CNST: variants seen among roughly 807,000 people sequenced by gnomAD.
CNST encodes consortin.
CNST carries 39 observed loss-of-function variants against 72.4 expected under a neutral mutation model. The observed-to-expected ratio is 0.54, with a 90% CI of 0.42 to 0.70. CNST has a LOEUF of 0.70. Among genes scored for constraint, CNST ranks in the 30% least tolerant of loss-of-function variants. CNST has a pLI of 0.00. For synonymous variants in CNST, 332 were observed against 320.1 expected, an observed-to-expected ratio of 1.04 and a Z score of -0.40; for missense variants, 871 against 868.5, an observed-to-expected ratio of 1.00 and a Z score of -0.04.
At position 246,647,536 on chromosome 1, in the gene CNST, A is replaced by G. The variant is rs2103134144; in HGVS notation, c.1335A>G (p.Ala445=). 6.2e-7 allele frequency: 1 copy of G among 1,614,190 alleles called. No individual in the cohort carries two copies. The change falls in exon 9 of 11, where the codon GCA becomes GCG. Residue 445 remains alanine (A), a synonymous_variant. Transcript: ENST00000366513. ...ISPGCDRIPP[A]LISEGKYSQA... is the part of the protein sequence containing the mutation. ...CAGGCTGTGACCGTATACCTCCTGC[A>G]TTGATTTCTGAGGGTAAATATTCAC...
chr1:246,627,920 T>A (rs925644159), intron 3 of CNST, among the ~76,000 whole-genome samples: 1 of 150,442 alleles, frequency 6.6e-6, no homozygotes, highest in African/African-American at 2.5e-5. Flanking sequence ...CTATATATAT[T>A]TATATATATA....
intron 4 of CNST, chr1:246,632,254 AC>A: frequency 3.4e-6 from 1 of 295,204 alleles, no homozygotes; most frequent in South Asian, 4.8e-5. Context: ...TGTACATTTA[AC>A]CCAGTTTAGC....
chr1:246,650,872 T>G (rs1425340409), intron 9 of CNST, among the ~76,000 whole-genome samples: 2 of 152,042 alleles, frequency 1.3e-5, no homozygotes, highest in Non-Finnish European at 2.9e-5. Context: ...GAGATGGGGT[T>G]TCACCATGTT....
At chr1:246,663,485 A>T (rs1414745782) in intron 10 of CNST, among the ~76,000 whole-genome samples, 1 of 152,112 alleles carries the variant, frequency 6.6e-6, no homozygotes, top group Non-Finnish European at 1.5e-5. Context: ...TTATGCCTGT[A>T]ATCCCAGCAC....
At chr1:246,569,761 G>GC (rs1476354859) in intron 1 of CNST, 1 of 159,448 alleles carries the variant, frequency 6.3e-6, no homozygotes, top group African/African-American at 2.4e-5. Context: ...TTAACGTTGA[G>GC]CCCCATGCTT....
chr1:246,612,754 G>A lies in CNST; in HGVS notation c.380-8675G>A, dbSNP rs571747295. Among the ~76,000 whole-genome samples the A allele has an allele frequency of 2.6e-5, 4 of 152,110 alleles. No homozygotes were observed. In the East Asian group the frequency reaches 5.8e-4, roughly 22 times the overall value. ...TACATACAAAAATTAGCCAGGGGGT[G>A]TGCACTTGTTGTCCCAGCTACTTCA... On this transcript the variant is annotated intron_variant, in intron 2 of 10. Transcript: ENST00000366513.
chr1:246,638,591 G>A (rs529881616), intron 6 of CNST, among the ~76,000 whole-genome samples: 26 of 152,328 alleles, frequency 1.7e-4, no homozygotes, highest in African/African-American at 5.8e-4. Context: ...GTGAGAGCTC[G>A]AGTGAGGGTG....
At chr1:246,646,923 C>T (rs967848113) in intron 8 of CNST, among the ~76,000 whole-genome samples, 1 of 152,172 alleles carries the variant, frequency 6.6e-6, no homozygotes, top group African/African-American at 2.4e-5. Flanking sequence ...TATTCATATT[C>T]ACATGCTTTT....
At chr1:246,600,757 T>C (rs146104678) in intron 2 of CNST, among the ~76,000 whole-genome samples, 19 of 152,304 alleles carry the variant, frequency 1.2e-4, no homozygotes, top group Non-Finnish European at 2.4e-4. Flanking sequence ...TGGGGTGTCG[T>C]AGACGTCTGA....
At chr1:246,661,343 C>A (rs1667095298) in intron 10 of CNST, among the ~76,000 whole-genome samples, 1 of 152,174 alleles carries the variant, frequency 6.6e-6, no homozygotes, top group Non-Finnish European at 1.5e-5. Context: ...GTCTCGAACT[C>A]CTGGCTTCAA....
intron 3 of CNST, among the ~76,000 whole-genome samples, chr1:246,626,453 T>TTC (rs1664442881): frequency 8.4e-6 from 1 of 118,798 alleles, no homozygotes; most frequent in Non-Finnish European, 1.7e-5. Flanking sequence ...GGTTTGTCCT[T>TTC]TTTTTTTTTT....
intron 1 of CNST, among the ~76,000 whole-genome samples, chr1:246,573,340 C>A (rs1052831055): frequency 1.3e-5 from 2 of 152,166 alleles, no homozygotes; most frequent in African/African-American, 2.4e-5. Context: ...AGAAGATTGT[C>A]TTATTACCAT....
At chr1:246,605,717 CCGGCCGGGG>C (rs1407146206) in intron 2 of CNST, among the ~76,000 whole-genome samples, 1 of 86,816 alleles carries the variant, frequency 1.2e-5, no homozygotes, top group African/African-American at 3.5e-5. Context: ...TAGGTGTCTT[CCGGCCGGGG>C]TAGGTGTCTT....
chr1:246,576,422 G>C (rs555224467), intron 1 of CNST, among the ~76,000 whole-genome samples: 1 of 147,212 alleles, frequency 6.8e-6, no homozygotes, highest in South Asian at 2.2e-4. Flanking sequence ...GATTTTTTTT[G>C]CATGTCATAA....
chr1:246,598,062 T>A (rs751388049), intron 2 of CNST, among the ~76,000 whole-genome samples: 1 of 152,018 alleles, frequency 6.6e-6, no homozygotes, highest in Non-Finnish European at 1.5e-5. Flanking sequence ...CTCAAAAACA[T>A]CCTCAAGTTC....
intron 2 of CNST, among the ~76,000 whole-genome samples, chr1:246,611,717 T>C (rs1304872648): frequency 2.0e-5 from 3 of 152,208 alleles, no homozygotes; most frequent in Non-Finnish European, 2.9e-5. Context: ...AATCCAGCCA[T>C]TAACTTCTAG....
At chr1:246,576,449 G>A (rs1249307969) in intron 1 of CNST, among the ~76,000 whole-genome samples, 13 of 59,896 alleles carry the variant, frequency 2.2e-4, no homozygotes, top group African/African-American at 6.9e-4. Context: ...AATTTGTTTT[G>A]GTTTAATTGT....
At position 246,584,388 on chromosome 1, in the gene CNST, T is replaced by G. The variant is rs146108045; in HGVS notation, c.-51-7124T>G. ...GGGGCAAGAGTTTCAAAAAATGCAT[T>G]CAGATGTCCACATAAAGTGGGAAGA... On this transcript the variant is annotated intron_variant, in intron 1 of 10. Coordinates refer to ENST00000366513, the MANE Select transcript of CNST (RefSeq NM_152609.3). 3.1e-4 allele frequency among the ~76,000 whole-genome samples: 47 copies of G among 152,168 alleles called. 1 individual carries two copies. The East Asian group carries it at 8.3e-3, about 27-fold the overall frequency.
chr1:246,641,005 C>T (rs1317319140), intron 6 of CNST, among the ~76,000 whole-genome samples: 1 of 152,124 alleles, frequency 6.6e-6, no homozygotes, highest in Non-Finnish European at 1.5e-5. Context: ...CAATAGTAAC[C>T]ACTATCTGGA....
Sources: gnomAD v4.1 joint callset for allele counts (sites outside exome capture counted in the v4.1 genomes callset) on GRCh38, gnomAD v4.1.1 for gene constraint, MANE v1.5 for transcripts, NCBI Gene and HGNC (gene_info 2026-07-23, HGNC 2026-07-21) for gene names.